Variants in SMYD3 observed in about 807,000 individuals in gnomAD.
SMYD3 encodes SET and MYND domain containing 3.
SMYD3 carries 36 observed loss-of-function variants against 57.7 expected under a neutral mutation model. The ratio of observed to expected loss-of-function variants is 0.62; its 90% CI spans 0.48 to 0.82. The LOEUF (loss-of-function observed/expected upper bound fraction) is 0.82. Among genes scored for constraint, SMYD3 ranks in the 40% least tolerant of loss-of-function variants. The pLI is 0.00. For missense variants in SMYD3, 515 were observed against 538.8 expected, an observed-to-expected ratio of 0.96 and a Z score of 0.44; for synonymous variants, 211 against 195.0, an observed-to-expected ratio of 1.08 and a Z score of -0.68.
chr1:246,505,886 T>C (rs2068529863), intron 1 of SMYD3, among the ~76,000 whole-genome samples: 1 of 152,230 alleles, frequency 6.6e-6, no homozygotes, highest in African/African-American at 2.4e-5. Flanking sequence ...AAGGAACGAA[T>C]TGTTTTCAAC....
chr1:245,861,206 T>C (rs577326860), intron 9 of SMYD3, among the ~76,000 whole-genome samples: 1 of 152,342 alleles, frequency 6.6e-6, no homozygotes, highest in East Asian at 1.9e-4. Flanking sequence ...ACTACTGACA[T>C]GTATTTGCTC....
chr1:246,335,369 G>A lies in SMYD3; in HGVS notation c.334C>T (p.Leu112Phe). 1.2e-6 allele frequency: 2 copies of A among 1,613,760 alleles called. No individual in the cohort carries two copies. Among genetic ancestry groups the A allele is most frequent in the African/African-American group, 1.3e-5 (1 of 75,032 alleles). ...VRLLGRVVFK[L>F]MDGAPSESEK... Reference sequence around the variant, plus strand: ...TATTTCATGAGTTTTATACTCACAAGTTTGAAGACAACTCTGCCAAGAAGT... The same window carrying A: ...TATTTCATGAGTTTTATACTCACAAATTTGAAGACAACTCTGCCAAGAAGT... Residue 112 changes from leucine (L) to phenylalanine (F), a missense_variant and splice_region_variant, in exon 3 of 12, where the codon CTT (leucine) becomes TTT (phenylalanine). Physicochemically the swap from Leu to Phe is conservative, Grantham distance 22. Transcript: ENST00000490107.
intron 10 of SMYD3, among the ~76,000 whole-genome samples, chr1:245,826,592 C>G (rs2049507963): frequency 6.6e-6 from 1 of 152,190 alleles, no homozygotes; most frequent in Non-Finnish European, 1.5e-5. Context: ...CCCATTTCAT[C>G]AAGTTGCTTC....
chr1:246,506,612 G>C (rs1339512075), intron 1 of SMYD3, among the ~76,000 whole-genome samples: 1 of 152,156 alleles, frequency 6.6e-6, no homozygotes, highest in Non-Finnish European at 1.5e-5. Flanking sequence ...TACCGGCGGG[G>C]CCTCTGCAGG....
Position 245,764,963 on chromosome 1 carries a change from T to C in SMYD3, c.1077-814A>G, listed in dbSNP as rs112598873. Reference sequence around the variant, plus strand: ...CAAATATGAGCAGTTTGGCCTCTTCTGGCCCCAATACCCCCTACCCCTACT... The same window carrying C: ...CAAATATGAGCAGTTTGGCCTCTTCCGGCCCCAATACCCCCTACCCCTACT... On this transcript the variant is annotated intron_variant, in intron 10 of 11. Transcript: ENST00000490107. 7.0e-3 allele frequency among the ~76,000 whole-genome samples: 1,066 copies of C among 151,774 alleles called. 13 individuals are homozygous for C. Among genetic ancestry groups the C allele is most frequent in the African/African-American group, 0.023 (960 of 41,310 alleles).
rs1397685178 is a variant in SMYD3 at position 245,814,848 on chromosome 1, GCA to G, written c.1076+43646_1076+43647del. On this transcript the variant is annotated intron_variant, in intron 10 of 11. Coordinates refer to ENST00000490107, the MANE Select transcript of SMYD3 (RefSeq NM_001167740.2). ...CACGCACACACGCACACACATGCAC[GCA>G]CACACACGCAAGCACACACACACGC... Among the ~76,000 whole-genome samples, 5 of 148,642 alleles carry G rather than the reference GCA, an allele frequency of 3.4e-5. No individual in the cohort carries two copies. The East Asian group carries it at 7.8e-4, about 23-fold the overall frequency.
intron 5 of SMYD3, among the ~76,000 whole-genome samples, chr1:246,013,695 C>T (rs2059327129): frequency 1.3e-5 from 2 of 152,106 alleles, no homozygotes; most frequent in Admixed American, 1.3e-4. Flanking sequence ...ATTAGACAGT[C>T]TGGCATGTGT....
At chr1:246,125,540 T>C (rs150144701) in intron 5 of SMYD3, among the ~76,000 whole-genome samples, 1 of 152,152 alleles carries the variant, frequency 6.6e-6, no homozygotes, top group Non-Finnish European at 1.5e-5. Context: ...AAATTTAAAA[T>C]TTTTAGCTAT....
Position 246,105,857 on chromosome 1 carries a change from C to T in SMYD3, c.532-175920G>A, listed in dbSNP as rs545951170. On this transcript the variant is annotated intron_variant, in intron 5 of 11. Transcript: ENST00000490107. The stretch of plus-strand genomic sequence containing the variant: ...CAAACCCTCTATTTTTGCATGGCTG[C>T]CAACTCATTTCCAAAACATCCACTG... 2.0e-5 allele frequency among the ~76,000 whole-genome samples: 3 copies of T among 152,304 alleles called. No homozygotes were observed. In the East Asian group the frequency reaches 5.8e-4, roughly 29 times the overall value.
intron 10 of SMYD3, among the ~76,000 whole-genome samples, chr1:245,836,159 C>T (rs953998793): frequency 1.3e-5 from 2 of 152,078 alleles, no homozygotes; most frequent in Non-Finnish European, 2.9e-5. Flanking sequence ...ACTTCTGTGG[C>T]CAGGAGAGAA....
At position 246,429,062 on chromosome 1, in the gene SMYD3, T is replaced by TTCCCACCACAGAACCA. The variant is rs1416830224; in HGVS notation, c.165-73984_165-73969dup. ...CTTTAATAGGACAGATCAGGTATTG[T>TTCCCACCACAGAACCA]TCCCACCACAGAACCAACCACCGTA... On this transcript the variant is annotated intron_variant, in intron 1 of 11. Coordinates refer to ENST00000490107, the MANE Select transcript of SMYD3 (RefSeq NM_001167740.2). Among the ~76,000 whole-genome samples, 3 of 151,026 alleles carry TTCCCACCACAGAACCA rather than the reference T, an allele frequency of 2.0e-5. No homozygotes were observed. The East Asian group carries it at 5.9e-4, about 29-fold the overall frequency.
chr1:246,132,105 C>T (rs748284218), intron 5 of SMYD3, among the ~76,000 whole-genome samples: 3 of 150,116 alleles, frequency 2.0e-5, no homozygotes, highest in Admixed American at 6.7e-5. Context: ...TGCCCATCGG[C>T]GACTTGGCTG....
chr1:245,966,285 C>T (rs1274454079), intron 5 of SMYD3, among the ~76,000 whole-genome samples: 2 of 152,170 alleles, frequency 1.3e-5, no homozygotes, highest in African/African-American at 4.8e-5. Flanking sequence ...AATTCTCCTA[C>T]CTCAGCCTCC....
chr1:246,086,499 T>A (rs1319486039), intron 5 of SMYD3, among the ~76,000 whole-genome samples: 1 of 151,976 alleles, frequency 6.6e-6, no homozygotes, highest in Non-Finnish European at 1.5e-5. Context: ...CGGATATATT[T>A]TCTTTTTTTT....
intron 7 of SMYD3, among the ~76,000 whole-genome samples, chr1:245,925,397 T>C (rs1373635678): frequency 6.6e-6 from 1 of 152,140 alleles, no homozygotes; most frequent in Non-Finnish European, 1.5e-5. Flanking sequence ...ATTTGTACAA[T>C]AAATAGGAAT....
chr1:246,019,224 A>G (rs1302354887), intron 5 of SMYD3, among the ~76,000 whole-genome samples: 1 of 152,166 alleles, frequency 6.6e-6, no homozygotes, highest in Non-Finnish European at 1.5e-5. Context: ...AAGACTGGGT[A>G]GGAAAGTATG....
intron 5 of SMYD3, among the ~76,000 whole-genome samples, chr1:246,130,343 C>A (rs2061569551): frequency 6.6e-6 from 1 of 152,110 alleles, no homozygotes; most frequent in Non-Finnish European, 1.5e-5. Flanking sequence ...CATTTATAAG[C>A]CCTGAATCCA....
At chr1:246,252,582 C>G (rs1056922013) in intron 5 of SMYD3, among the ~76,000 whole-genome samples, 2 of 152,160 alleles carry the variant, frequency 1.3e-5, no homozygotes, top group South Asian at 4.2e-4. Flanking sequence ...TTAAAAGTAG[C>G]TTTTTTCTCA....
chr1:246,311,450 T>C (rs1374975591), intron 5 of SMYD3, among the ~76,000 whole-genome samples: 1 of 152,252 alleles, frequency 6.6e-6, no homozygotes, highest in Non-Finnish European at 1.5e-5. Flanking sequence ...TTACAAAATG[T>C]CATCACATCC....
Sources: allele counts gnomAD v4.1 joint callset (sites outside exome capture counted in the v4.1 genomes callset), GRCh38; gene constraint gnomAD v4.1.1; transcripts MANE v1.5; gene names NCBI Gene and HGNC (gene_info 2026-07-23, HGNC 2026-07-21).